The following FARS2 variants were observed in gnomAD, a reference collection of about 807,000 sequenced individuals.
FARS2 encodes the protein phenylalanyl-tRNA synthetase 2, mitochondrial.
In FARS2, 40 loss-of-function variants were observed where a neutral mutation model predicts 46.4. The ratio of observed to expected loss-of-function variants is 0.86; its 90% CI spans 0.67 to 1.12. The LOEUF (loss-of-function observed/expected upper bound fraction) is 1.12, where lower values mean the gene tolerates loss of function less well. FARS2 is among the 50% of genes most tolerant of loss of function. FARS2 has a pLI of 0.00. For missense variants in FARS2, 513 were observed against 567.9 expected, an observed-to-expected ratio of 0.90 and a Z score of 0.98; for synonymous variants, 234 against 214.9, an observed-to-expected ratio of 1.09 and a Z score of -0.78.
intron 6 of FARS2, among the ~76,000 whole-genome samples, chr6:5,634,627 T>C (rs1044293652): frequency 3.9e-5 from 6 of 152,248 alleles, no homozygotes; most frequent in Non-Finnish European, 8.8e-5. Flanking sequence ...ATTTTTAAAA[T>C]AGTACTTTAG....
intron 5 of FARS2, among the ~76,000 whole-genome samples, chr6:5,605,122 A>C (rs953386191): frequency 1.3e-5 from 2 of 152,214 alleles, no homozygotes; most frequent in African/African-American, 4.8e-5. Context: ...AAATCTAAAA[A>C]GCGAAAATGA....
intron 6 of FARS2, among the ~76,000 whole-genome samples, chr6:5,668,558 T>C (rs1439355878): frequency 6.6e-6 from 1 of 152,208 alleles, no homozygotes; most frequent in East Asian, 1.9e-4. Flanking sequence ...GCGAAACATT[T>C]GTTATTCTTT....
At chr6:5,461,929 G>GT (rs1765264569) in intron 4 of FARS2, among the ~76,000 whole-genome samples, 1 of 152,166 alleles carries the variant, frequency 6.6e-6, no homozygotes, top group South Asian at 2.1e-4. Flanking sequence ...TTTCTTTGGG[G>GT]TAGGCACCCA....
At chr6:5,537,707 T>C (rs1770308066) in intron 4 of FARS2, among the ~76,000 whole-genome samples, 1 of 152,238 alleles carries the variant, frequency 6.6e-6, no homozygotes, top group African/African-American at 2.4e-5. Context: ...CTTCCCTCTC[T>C]GACGCTGTAG....
chr6:5,258,591 A>C (rs184025675), upstream of FARS2, among the ~76,000 whole-genome samples: 35 of 152,370 alleles, frequency 2.3e-4, no homozygotes, highest in East Asian at 6.5e-3. Flanking sequence ...CACAAGACAC[A>C]GCCTTAATGT....
intron 6 of FARS2, among the ~76,000 whole-genome samples, chr6:5,715,003 C>A (rs1235929766): frequency 6.6e-6 from 1 of 152,042 alleles, no homozygotes; most frequent in Non-Finnish European, 1.5e-5. Context: ...CCAGCCTGGG[C>A]AACAGAGCGA....
At chr6:5,529,771 T>G (rs961421617) in intron 4 of FARS2, among the ~76,000 whole-genome samples, 1 of 152,180 alleles carries the variant, frequency 6.6e-6, no homozygotes, top group African/African-American at 2.4e-5. Flanking sequence ...GTTACTTGCT[T>G]TGGCCCATCA....
chr6:5,614,510 C>T (rs1337305673), intron 6 of FARS2, among the ~76,000 whole-genome samples: 1 of 151,678 alleles, frequency 6.6e-6, no homozygotes, highest in Admixed American at 6.6e-5. Context: ...CCCAGGTTCA[C>T]GCCGTTCTCC....
intron 4 of FARS2, among the ~76,000 whole-genome samples, chr6:5,509,804 A>G (rs970504235): frequency 3.3e-5 from 5 of 152,224 alleles, no homozygotes; most frequent in Non-Finnish European, 5.9e-5. Context: ...GTTACTGGGA[A>G]GAGCATTATC....
At chr6:5,331,103 TA>T (rs11362298) in intron 1 of FARS2, among the ~76,000 whole-genome samples, 20,994 of 132,906 alleles carry the variant, frequency 0.16, 2,054 homozygotes, top group African/African-American at 0.31. Flanking sequence ...AAACTCCGTT[TA>T]AAAAAAAAAA....
intron 4 of FARS2, among the ~76,000 whole-genome samples, chr6:5,437,542 A>G (rs1763595617): frequency 6.6e-6 from 1 of 151,918 alleles, no homozygotes; most frequent in Non-Finnish European, 1.5e-5. Flanking sequence ...AGGTGCATAT[A>G]TTTTCATAGT....
chr6:5,537,002 A>G (rs898821636), intron 4 of FARS2, among the ~76,000 whole-genome samples: 7 of 152,198 alleles, frequency 4.6e-5, no homozygotes, highest in Non-Finnish European at 1.0e-4. Context: ...CTCACCTTCT[A>G]GCGTTGACTG....
At chr6:5,587,039 T>C (rs1773655015) in intron 5 of FARS2, among the ~76,000 whole-genome samples, 1 of 152,214 alleles carries the variant, frequency 6.6e-6, no homozygotes, top group African/African-American at 2.4e-5. Flanking sequence ...GCTTTTATTA[T>C]AAAAACTGTA....
At chr6:5,271,920 G>A (rs1458328098) in intron 1 of FARS2, among the ~76,000 whole-genome samples, 5 of 152,022 alleles carry the variant, frequency 3.3e-5, no homozygotes, top group South Asian at 2.1e-4. Flanking sequence ...ACTCAATCAC[G>A]TAAGCTCCAA....
upstream of FARS2, chr6:5,260,843 G>A (rs1765046503): frequency 6.7e-7 from 1 of 1,503,102 alleles, no homozygotes; most frequent in Non-Finnish European, 8.8e-7. Context: ...AAATGCTGCG[G>A]CTCGGCTTTG....
chr6:5,644,529 C>G (rs1050601279), intron 6 of FARS2, among the ~76,000 whole-genome samples: 7 of 152,092 alleles, frequency 4.6e-5, no homozygotes, highest in Admixed American at 2.0e-4. Flanking sequence ...TTCCTTTTAA[C>G]CCTTGTTTTC....
intron 4 of FARS2, among the ~76,000 whole-genome samples, chr6:5,496,184 T>C (rs1413599136): frequency 6.6e-6 from 1 of 152,140 alleles, no homozygotes; most frequent in African/African-American, 2.4e-5. Context: ...CTCCATTGAG[T>C]ACTCTGCTTT....
In FARS2 at chr6:5,647,701, A is replaced by G. The variant is rs575635971; in HGVS notation, c.1217+34381A>G. 2.4e-4 allele frequency among the ~76,000 whole-genome samples: 36 copies of G among 152,256 alleles called. 1 individual carries two copies. The highest frequency in any genetic ancestry group is 1.4e-3 in the South Asian group (7 of 4,830). On this transcript the variant is annotated intron_variant, in intron 6 of 6. Transcript: ENST00000274680. ...AAATCAACAGAGCAAAACAGGTTCAAAATAAAACGTGGTGATGGGGAAAGG... is the reference window on the plus strand; with the variant it reads ...AAATCAACAGAGCAAAACAGGTTCAGAATAAAACGTGGTGATGGGGAAAGG...
chr6:5,493,916 C>T (rs1256169039), intron 4 of FARS2, among the ~76,000 whole-genome samples: 1 of 152,100 alleles, frequency 6.6e-6, no homozygotes, highest in Non-Finnish European at 1.5e-5. Context: ...TAATGGCATA[C>T]CCCTCTATAT....
Sources: allele counts gnomAD v4.1 joint callset (sites outside exome capture counted in the v4.1 genomes callset), GRCh38; gene constraint gnomAD v4.1.1; transcripts MANE v1.5; gene names NCBI Gene and HGNC (gene_info 2026-07-23, HGNC 2026-07-21).